Variants in RBFOX1 observed in about 807,000 individuals in gnomAD.
The protein encoded by RBFOX1 is RNA binding protein fox-1 homolog 1.
Under a neutral mutation model 57.7 loss-of-function variants are expected in RBFOX1, and 8 were observed. The ratio of observed to expected loss-of-function variants is 0.14; its 90% CI spans 0.08 to 0.25. The LOEUF (loss-of-function observed/expected upper bound fraction) is 0.25, where lower values mean the gene tolerates loss of function less well. Ranked by LOEUF, RBFOX1 falls within the 10% of genes least tolerant of loss-of-function variation. The pLI is 1.00. For missense variants in RBFOX1, 611 were observed against 548.5 expected (o/e 1.11, Z -1.14); for synonymous variants, 326 against 222.4 (o/e 1.47, Z -4.15).
intron 4 of RBFOX1, among the ~76,000 whole-genome samples, chr16:7,200,247 G>A (rs181407716): frequency 6.6e-6 from 1 of 152,174 alleles, no homozygotes; most frequent in African/African-American, 2.4e-5. Flanking sequence ...GGATGATACT[G>A]TGGTTCTGAG....
At position 6,503,929 on chromosome 16, in the gene RBFOX1, G is replaced by A. The variant is rs115081881; in HGVS notation, c.-63-150674G>A. ...CTACGAGGAGGATGTTCCTTAAGCC[G>A]GACCTTCATCCCTAAATCATCTTTG... On this transcript the variant is annotated intron_variant, in intron 2 of 15. Coordinates refer to ENST00000550418, the MANE Select transcript of RBFOX1 (RefSeq NM_018723.4). 6.8e-3 allele frequency among the ~76,000 whole-genome samples: 1,035 copies of A among 152,256 alleles called. 9 individuals are homozygous for A. The highest frequency in any genetic ancestry group is 0.023 in the African/African-American group (956 of 41,532).
intron 2 of RBFOX1, among the ~76,000 whole-genome samples, chr16:5,497,276 C>G (rs978770428): frequency 3.3e-5 from 5 of 151,430 alleles, no homozygotes; most frequent in Non-Finnish European, 7.4e-5. Flanking sequence ...TCAGATAACA[C>G]AAGCACTTCT....
chr16:6,644,300 T>C (rs2098516091), intron 2 of RBFOX1, among the ~76,000 whole-genome samples: 1 of 152,242 alleles, frequency 6.6e-6, no homozygotes, highest in African/African-American at 2.4e-5. Context: ...AGACCATCTG[T>C]AATGTTGAGT....
intron 1 of RBFOX1, among the ~76,000 whole-genome samples, chr16:6,110,951 C>T (rs1054136663): frequency 1.3e-5 from 2 of 152,162 alleles, no homozygotes; most frequent in African/African-American, 4.8e-5. Flanking sequence ...AAGGGAAAAG[C>T]ATGTGCAGAA....
At chr16:7,419,913 C>G (rs185156862) in intron 4 of RBFOX1, among the ~76,000 whole-genome samples, 3 of 114,502 alleles carry the variant, frequency 2.6e-5, no homozygotes, top group African/African-American at 1.0e-4. Flanking sequence ...GATCTGTTTT[C>G]TTTCTTTCTT....
At chr16:7,008,560 T>G (rs983135250) in intron 3 of RBFOX1, among the ~76,000 whole-genome samples, 1 of 151,698 alleles carries the variant, frequency 6.6e-6, no homozygotes, top group Non-Finnish European at 1.5e-5. Context: ...TAGAATTCAG[T>G]GAACAAGAGT....
chr16:7,576,075 G>A (rs991311577), intron 5 of RBFOX1, among the ~76,000 whole-genome samples: 8 of 151,256 alleles, frequency 5.3e-5, no homozygotes, highest in Non-Finnish European at 1.2e-4. Context: ...TGGGATGGCA[G>A]GCACATGGCC....
chr16:6,542,389 C>T (rs907070883), intron 2 of RBFOX1, among the ~76,000 whole-genome samples: 7 of 151,062 alleles, frequency 4.6e-5, no homozygotes, highest in African/African-American at 1.7e-4. Context: ...GGGTTTTACC[C>T]CATGTGTGCT....
At chr16:7,646,972 C>T (rs1315293867) in intron 11 of RBFOX1, among the ~76,000 whole-genome samples, 7 of 152,108 alleles carry the variant, frequency 4.6e-5, no homozygotes, top group Admixed American at 4.6e-4. Context: ...GGGAGACAGG[C>T]AGTTAGCAGT....
chr16:5,509,492 C>G (rs956891538), intron 2 of RBFOX1, among the ~76,000 whole-genome samples: 12 of 152,146 alleles, frequency 7.9e-5, no homozygotes, highest in Admixed American at 7.2e-4. Context: ...TTGTAGTTGG[C>G]AAAGTGAGCA....
At chr16:6,738,430 G>A (rs1309217713) in intron 3 of RBFOX1, among the ~76,000 whole-genome samples, 1 of 152,058 alleles carries the variant, frequency 6.6e-6, no homozygotes, top group African/African-American at 2.4e-5. Flanking sequence ...GCCCAGGAGA[G>A]TATTTATAGG....
chr16:6,564,278 A>G (rs1047990929), intron 2 of RBFOX1, among the ~76,000 whole-genome samples: 4 of 152,162 alleles, frequency 2.6e-5, no homozygotes, highest in South Asian at 2.1e-4. Context: ...TATGGTTTTT[A>G]ATGAAAATAT....
chr16:6,888,537 C>T (rs2064676689), intron 3 of RBFOX1, among the ~76,000 whole-genome samples: 1 of 152,082 alleles, frequency 6.6e-6, no homozygotes, highest in African/African-American at 2.4e-5. Flanking sequence ...TTTATCTCCA[C>T]ATTGTTTTTA....
chr16:7,142,385 T>C (rs901839407), intron 4 of RBFOX1, among the ~76,000 whole-genome samples: 1 of 152,162 alleles, frequency 6.6e-6, no homozygotes, highest in African/African-American at 2.4e-5. Context: ...ATGAGGTCCA[T>C]GTCCTGAGCT....
intron 4 of RBFOX1, among the ~76,000 whole-genome samples, chr16:7,121,332 C>T (rs1050163499): frequency 1.3e-5 from 2 of 152,054 alleles, no homozygotes; most frequent in Non-Finnish European, 2.9e-5. Context: ...CATCTTTAAT[C>T]ACAGATAATA....
intron 4 of RBFOX1, among the ~76,000 whole-genome samples, chr16:7,458,876 T>C (rs1002088851): frequency 6.6e-6 from 1 of 152,274 alleles, no homozygotes; most frequent in African/African-American, 2.4e-5. Context: ...ATGTTTCATT[T>C]GTGTCTGTCT....
At chr16:5,667,146 T>A (rs1232826303) in intron 3 of RBFOX1, among the ~76,000 whole-genome samples, 4 of 152,224 alleles carry the variant, frequency 2.6e-5, no homozygotes, top group African/African-American at 9.6e-5. Context: ...CCCAGTGTTT[T>A]TGTTGTTGCT....
chr16:7,528,033 C>G (rs1417880569), intron 5 of RBFOX1, among the ~76,000 whole-genome samples: 1 of 152,160 alleles, frequency 6.6e-6, no homozygotes, highest in African/African-American at 2.4e-5. Flanking sequence ...ACAAGCTGTT[C>G]TTGGTCTAAG....
At chr16:6,137,598 G>A (rs1178724758) in intron 1 of RBFOX1, among the ~76,000 whole-genome samples, 4 of 147,146 alleles carry the variant, frequency 2.7e-5, no homozygotes, top group Non-Finnish European at 5.9e-5. Flanking sequence ...GAGGCACTGC[G>A]CCTGGTCATT....
Sources: gnomAD v4.1 joint callset for allele counts (sites outside exome capture counted in the v4.1 genomes callset) on GRCh38, gnomAD v4.1.1 for gene constraint, MANE v1.5 for transcripts, NCBI Gene and HGNC (gene_info 2026-07-23, HGNC 2026-07-21) for gene names.